RNLS: variants seen among roughly 807,000 people sequenced by gnomAD.
RNLS encodes renalase.
A neutral mutation model predicts 39.8 loss-of-function variants in RNLS; 39 were observed. The observed-to-expected ratio is 0.98, with a 90% CI of 0.76 to 1.28. The LOEUF is 1.28. RNLS is among the 50% of genes most tolerant of loss of function. RNLS has a pLI of 0.00. For synonymous variants in RNLS, 147 were observed against 150.7 expected, an observed-to-expected ratio of 0.98 and a Z score of 0.18; for missense variants, 410 against 413.3, an observed-to-expected ratio of 0.99 and a Z score of 0.07.
At chr10:88,196,143 A>G in the RNLS span, among the ~76,000 whole-genome samples, 1 of 142,820 alleles carries the variant, frequency 7.0e-6, no homozygotes, top group Non-Finnish European at 1.5e-5. Context: ...GACTTGAGGG[A>G]TCTCTCTTTT....
At chr10:88,214,074 G>T in the RNLS span, among the ~76,000 whole-genome samples, 1 of 152,136 alleles carries the variant, frequency 6.6e-6, no homozygotes, top group Admixed American at 6.6e-5. Flanking sequence ...GCTATCATTG[G>T]CTTAAGTCTC....
At chr10:88,406,622 C>G (rs1200775592) in intron 4 of RNLS, among the ~76,000 whole-genome samples, 1 of 152,062 alleles carries the variant, frequency 6.6e-6, no homozygotes, top group Non-Finnish European at 1.5e-5. Context: ...TAAACTAGTA[C>G]AGCTGCTATG....
At chr10:88,430,693 G>A (rs79236299) in intron 4 of RNLS, among the ~76,000 whole-genome samples, 2,549 of 151,858 alleles carry the variant, frequency 0.017, 32 homozygotes, top group East Asian at 0.053. Flanking sequence ...TTTGCTAACA[G>A]TTTTTATCAG....
At chr10:88,365,371 A>G (rs1849984135) in intron 4 of RNLS, among the ~76,000 whole-genome samples, 1 of 63,678 alleles carries the variant, frequency 1.6e-5, no homozygotes, top group African/African-American at 9.0e-5. Context: ...ATATTTTGGC[A>G]AGCAAAACAA....
chr10:88,290,537 T>C (rs1247352620), intron 6 of RNLS, among the ~76,000 whole-genome samples: 2 of 152,200 alleles, frequency 1.3e-5, no homozygotes, highest in Non-Finnish European at 2.9e-5. Context: ...CAATATTTTA[T>C]GTACCAATGA....
intron 6 of RNLS, among the ~76,000 whole-genome samples, chr10:88,306,333 G>A (rs189397824): frequency 6.6e-6 from 1 of 152,118 alleles, no homozygotes; most frequent in Non-Finnish European, 1.5e-5. Context: ...AATCAGTGCT[G>A]AACTGAAAGA....
At chr10:88,242,956 AAC>A in the RNLS span, among the ~76,000 whole-genome samples, 1 of 151,540 alleles carries the variant, frequency 6.6e-6, no homozygotes, top group Non-Finnish European at 1.5e-5. Flanking sequence ...AAAACAAACA[AAC>A]AAACAAACAA....
intron 4 of RNLS, among the ~76,000 whole-genome samples, chr10:88,532,252 C>A (rs575132173): frequency 6.6e-6 from 1 of 151,998 alleles, no homozygotes; most frequent in Admixed American, 6.6e-5. Flanking sequence ...GCACACTTTA[C>A]AAGACTTAGA....
intron 5 of RNLS, among the ~76,000 whole-genome samples, chr10:88,350,763 G>C (rs990248584): frequency 1.3e-5 from 2 of 152,096 alleles, no homozygotes; most frequent in African/African-American, 4.8e-5. Flanking sequence ...GGGTTGGCTG[G>C]GTCAAATGGT....
Position 88,341,186 on chromosome 10 carries a change from G to A in RNLS, c.700+21366C>T, listed in dbSNP as rs186051374. 2.4e-3 allele frequency among the ~76,000 whole-genome samples: 363 copies of A among 151,616 alleles called. 4 individuals are homozygous for A. Among genetic ancestry groups the A allele is most frequent in the African/African-American group, 7.0e-3 (290 of 41,382 alleles). ...CTCTACTAAAAATACAAAATTAGCCGGGTGTGGTGGTGCATGCCTGTAATC... is the reference window on the plus strand; with the variant it reads ...CTCTACTAAAAATACAAAATTAGCCAGGTGTGGTGGTGCATGCCTGTAATC... On this transcript the variant is annotated intron_variant, in intron 5 of 6. Transcript: ENST00000331772.
the RNLS span, among the ~76,000 whole-genome samples, chr10:88,239,415 T>C: frequency 2.0e-5 from 3 of 152,288 alleles, no homozygotes; most frequent in South Asian, 4.1e-4. Flanking sequence ...ATCTGAAATA[T>C]GGCATTCCAA....
At chr10:88,485,199 T>C (rs150018178) in intron 4 of RNLS, among the ~76,000 whole-genome samples, 220 of 152,038 alleles carry the variant, frequency 1.4e-3, no homozygotes, top group African/African-American at 5.1e-3. Flanking sequence ...TGGAAGAATG[T>C]CTGGTTTCAA....
At chr10:88,386,183 A>G (rs887207502) in intron 4 of RNLS, among the ~76,000 whole-genome samples, 1 of 152,214 alleles carries the variant, frequency 6.6e-6, no homozygotes, top group Admixed American at 6.5e-5. Flanking sequence ...ATATAATTTA[A>G]CAGTTGTTAA....
chr10:88,175,843 C>T, the RNLS span, among the ~76,000 whole-genome samples: 1 of 152,080 alleles, frequency 6.6e-6, no homozygotes, highest in African/African-American at 2.4e-5. Flanking sequence ...GTGTTGAAGT[C>T]CCTCCCTGCT....
chr10:88,486,010 G>T (rs1346589419), intron 4 of RNLS, among the ~76,000 whole-genome samples: 1 of 151,902 alleles, frequency 6.6e-6, no homozygotes, highest in African/African-American at 2.4e-5. Flanking sequence ...TTTTTTAAAA[G>T]ATATTGTTAA....
chr10:88,497,546 G>T (rs963596238), intron 4 of RNLS, among the ~76,000 whole-genome samples: 19 of 151,978 alleles, frequency 1.3e-4, no homozygotes, highest in Non-Finnish European at 2.2e-4. Context: ...TAAATGCCAT[G>T]ATTTAAAACA....
chr10:88,561,444 G>C (rs1849183395), intron 4 of RNLS, among the ~76,000 whole-genome samples: 4 of 151,934 alleles, frequency 2.6e-5, no homozygotes, highest in Admixed American at 1.3e-4. Flanking sequence ...TCAATTTAGT[G>C]GGCAAAAAAA....
chr10:88,433,597 T>C (rs1855270632), intron 4 of RNLS, among the ~76,000 whole-genome samples: 2 of 152,144 alleles, frequency 1.3e-5, no homozygotes, highest in South Asian at 4.1e-4. Context: ...TGATTGTTCC[T>C]ATTAATTTAC....
At chr10:88,557,063 T>A (rs1333634250) in intron 4 of RNLS, among the ~76,000 whole-genome samples, 1 of 151,646 alleles carries the variant, frequency 6.6e-6, no homozygotes, top group Non-Finnish European at 1.5e-5. Flanking sequence ...GAAAAAAAAA[T>A]GAATTTGACA....
Sources: allele counts gnomAD v4.1 joint callset (sites outside exome capture counted in the v4.1 genomes callset), GRCh38; gene constraint gnomAD v4.1.1; transcripts MANE v1.5; gene names NCBI Gene and HGNC (gene_info 2026-07-23, HGNC 2026-07-21).